Variants in DAB1 observed in about 807,000 individuals in gnomAD.
The protein encoded by DAB1 is DAB adaptor protein 1.
Under a neutral mutation model 64.6 loss-of-function variants are expected in DAB1, and 15 were observed. That is an observed-to-expected ratio of 0.23 (90% CI 0.16 to 0.36). The LOEUF (loss-of-function observed/expected upper bound fraction) is 0.36. Ranked by LOEUF, DAB1 falls within the 10% of genes least tolerant of loss-of-function variation. The probability of loss-of-function intolerance (pLI) is 1.00; values close to 1 mark genes in which losing one functional copy is unlikely to be tolerated. For missense variants in DAB1, 596 were observed against 706.7 expected (o/e 0.84, Z 1.78); for synonymous variants, 235 against 251.9 (o/e 0.93, Z 0.64).
intron 1 of DAB1, among the ~76,000 whole-genome samples, chr1:57,330,000 A>G (rs1468586093): frequency 2.6e-5 from 4 of 152,182 alleles, no homozygotes; most frequent in Non-Finnish European, 5.9e-5. Context: ...GCAGTCAACC[A>G]GGGGATGTTT....
intron 5 of DAB1, among the ~76,000 whole-genome samples, chr1:58,031,091 C>T (rs1646963192): frequency 6.6e-6 from 1 of 152,058 alleles, no homozygotes; most frequent in African/African-American, 2.4e-5. Flanking sequence ...ACAATTTGGG[C>T]ATGAGTGAAC....
chr1:57,494,075 C>G (rs1296893351), intron 7 of DAB1, among the ~76,000 whole-genome samples: 1 of 152,188 alleles, frequency 6.6e-6, no homozygotes, highest in Non-Finnish European at 1.5e-5. Context: ...TCTGTGAACT[C>G]TAAAGAACTA....
intron 7 of DAB1, among the ~76,000 whole-genome samples, chr1:57,439,497 A>C (rs1466969650): frequency 1.4e-4 from 18 of 131,760 alleles, no homozygotes; most frequent in Non-Finnish European, 2.4e-4. Flanking sequence ...GGCGTGATCT[A>C]GGCTCACTGC....
chr1:58,337,192 G>A (rs1458606524), intron 4 of DAB1, among the ~76,000 whole-genome samples: 2 of 149,880 alleles, frequency 1.3e-5, no homozygotes, highest in Non-Finnish European at 2.9e-5. Context: ...TAAGGCAATA[G>A]AATCACTTGA....
intron 4 of DAB1, among the ~76,000 whole-genome samples, chr1:57,075,537 T>C (rs1038592368): frequency 2.0e-5 from 3 of 152,232 alleles, no homozygotes; most frequent in African/African-American, 7.2e-5. Flanking sequence ...CATAGATACT[T>C]AGAAATACAA....
intron 3 of DAB1, among the ~76,000 whole-genome samples, chr1:58,397,442 C>A (rs566455849): frequency 6.6e-6 from 1 of 152,278 alleles, no homozygotes; most frequent in South Asian, 2.1e-4. Context: ...TCACATACTC[C>A]AGGGCTCAGA....
chr1:58,500,681 C>T (rs1645892162), intron 3 of DAB1, among the ~76,000 whole-genome samples: 1 of 152,072 alleles, frequency 6.6e-6, no homozygotes, highest in Non-Finnish European at 1.5e-5. Context: ...TGACTATAAA[C>T]ATAACCATAA....
At chr1:58,119,364 T>G (rs1652598011) in intron 5 of DAB1, among the ~76,000 whole-genome samples, 1 of 152,060 alleles carries the variant, frequency 6.6e-6, no homozygotes, top group Admixed American at 6.6e-5. Context: ...CATCCTACAT[T>G]ATTTGTTATA....
intron 4 of DAB1, among the ~76,000 whole-genome samples, chr1:57,128,158 AAT>A (rs201571385): frequency 7.0e-6 from 1 of 142,356 alleles, no homozygotes; most frequent in Admixed American, 6.8e-5. Flanking sequence ...AATAAAAATA[AAT>A]AAATAAATAA....
At chr1:57,888,097 C>CT (rs1644252529), upstream of DAB1, among the ~76,000 whole-genome samples, 1 of 152,174 alleles carries the variant, frequency 6.6e-6, no homozygotes. Context: ...GTGGCTTTCA[C>CT]TGTAGGGCCC....
rs567327849 is a variant in DAB1 at position 58,143,125 on chromosome 1, G to A, written n.387+7386C>T. Among the ~76,000 whole-genome samples, 33 of 152,190 alleles carry A rather than the reference G, an allele frequency of 2.2e-4. No homozygotes were observed. The East Asian group carries it at 5.8e-3, about 27-fold the overall frequency. The stretch of plus-strand genomic sequence containing the variant: ...TTCTAAAGCACACTGAAGTTTGAGG[G>A]CCATTATTTTAAGGGTAGGAACAGG... On this transcript the variant is annotated intron_variant and non_coding_transcript_variant, in intron 5 of 20. Coordinates refer to the DAB1 transcript ENST00000485760.
At chr1:57,938,379 G>A (rs1322564585) in intron 5 of DAB1, among the ~76,000 whole-genome samples, 1 of 152,156 alleles carries the variant, frequency 6.6e-6, no homozygotes, top group Non-Finnish European at 1.5e-5. Context: ...ATCTTGACTT[G>A]TAATCCCCAT....
chr1:58,394,030 T>C (rs1644498517), intron 3 of DAB1, among the ~76,000 whole-genome samples: 1 of 152,178 alleles, frequency 6.6e-6, no homozygotes, highest in South Asian at 2.1e-4. Flanking sequence ...TTAAAAAATA[T>C]GAAAATAATA....
intron 7 of DAB1, among the ~76,000 whole-genome samples, chr1:57,433,114 T>C (rs1174716730): frequency 2.6e-5 from 4 of 152,142 alleles, no homozygotes. Flanking sequence ...TTGAAAAACA[T>C]TATTGATTAG....
At chr1:58,276,195 T>A (rs1190638437) in intron 4 of DAB1, among the ~76,000 whole-genome samples, 1 of 152,006 alleles carries the variant, frequency 6.6e-6, no homozygotes, top group African/African-American at 2.4e-5. Flanking sequence ...TAATACAGAG[T>A]TTCAGTTTTG....
intron 5 of DAB1, among the ~76,000 whole-genome samples, chr1:58,091,301 T>C (rs1043198487): frequency 1.3e-5 from 2 of 152,206 alleles, no homozygotes; most frequent in Admixed American, 1.3e-4. Context: ...CAGCTTTAGA[T>C]CTTAGCAGGA....
chr1:57,803,990 C>T (rs1199852770), intron 6 of DAB1, among the ~76,000 whole-genome samples: 2 of 152,166 alleles, frequency 1.3e-5, no homozygotes, highest in African/African-American at 2.4e-5. Flanking sequence ...TTCTATGTTT[C>T]AGCTGCAAAT....
intron 7 of DAB1, among the ~76,000 whole-genome samples, chr1:57,471,633 T>C (rs1469561379): frequency 6.6e-6 from 1 of 152,224 alleles, no homozygotes; most frequent in African/African-American, 2.4e-5. Flanking sequence ...GGAGTTTCCC[T>C]GCACAAGCAC....
chr1:57,659,397 T>C (rs1646358176), intron 6 of DAB1, among the ~76,000 whole-genome samples: 1 of 152,194 alleles, frequency 6.6e-6, no homozygotes. Context: ...AGATATTACA[T>C]GCTAGAATAA....
Sources: gnomAD v4.1 joint callset for allele counts (sites outside exome capture counted in the v4.1 genomes callset) on GRCh38, gnomAD v4.1.1 for gene constraint, MANE v1.5 for transcripts, NCBI Gene and HGNC (gene_info 2026-07-23, HGNC 2026-07-21) for gene names.